The following MACROD2 variants were observed in gnomAD, a reference collection of about 807,000 sequenced individuals.
MACROD2 encodes mono-ADP ribosylhydrolase 2, also known as ADP-ribose glycohydrolase MACROD2.
MACROD2 carries 36 observed loss-of-function variants against 70.4 expected under a neutral mutation model. The observed-to-expected ratio is 0.51, with a 90% CI of 0.39 to 0.68. The LOEUF (loss-of-function observed/expected upper bound fraction) is 0.68, where lower values mean the gene tolerates loss of function less well. MACROD2 is among the 30% of genes least tolerant of loss of function. The pLI, the probability that MACROD2 is intolerant of heterozygous loss-of-function variation, is 0.00. For synonymous variants in MACROD2, 172 were observed against 178.8 expected (o/e 0.96, Z 0.30); for missense variants, 496 against 538.4 (o/e 0.92, Z 0.78).
chr20:14,792,291 T>A (rs554466540), intron 5 of MACROD2, among the ~76,000 whole-genome samples: 1 of 152,220 alleles, frequency 6.6e-6, no homozygotes, highest in Admixed American at 6.5e-5. Context: ...TACTTGTGGA[T>A]ACACACACAT....
intron 5 of MACROD2, among the ~76,000 whole-genome samples, chr20:15,156,942 C>G (rs548811428): frequency 6.3e-4 from 96 of 152,348 alleles, no homozygotes; most frequent in African/African-American, 2.2e-3. Flanking sequence ...ATCATTAAAT[C>G]TGTATCACAT....
chr20:15,438,385 A>C (rs1187860376), intron 7 of MACROD2, among the ~76,000 whole-genome samples: 1 of 152,120 alleles, frequency 6.6e-6, no homozygotes, highest in Non-Finnish European at 1.5e-5. Context: ...GACTGGTGTG[A>C]GATGGTATCT....
chr20:14,920,455 G>A (rs902969585), intron 5 of MACROD2, among the ~76,000 whole-genome samples: 4 of 152,160 alleles, frequency 2.6e-5, no homozygotes, highest in African/African-American at 9.7e-5. Context: ...AGATACGTTG[G>A]AAATCTATTA....
At chr20:15,445,464 G>A (rs145550543) in intron 7 of MACROD2, among the ~76,000 whole-genome samples, 4 of 152,260 alleles carry the variant, frequency 2.6e-5, no homozygotes, top group African/African-American at 9.6e-5. Flanking sequence ...CCATAAGAGA[G>A]AGAGAGAGAG....
intron 5 of MACROD2, among the ~76,000 whole-genome samples, chr20:15,182,480 T>G (rs892228560): frequency 6.6e-6 from 1 of 152,194 alleles, no homozygotes; most frequent in Non-Finnish European, 1.5e-5. Context: ...TTGATTTTCC[T>G]GGGGCGGAAG....
intron 8 of MACROD2, among the ~76,000 whole-genome samples, chr20:15,577,190 T>C (rs1464620001): frequency 6.6e-6 from 1 of 152,014 alleles, no homozygotes; most frequent in Non-Finnish European, 1.5e-5. Flanking sequence ...AATCACTCTT[T>C]TTTTTTTTAA....
intron 8 of MACROD2, among the ~76,000 whole-genome samples, chr20:15,535,443 C>T (rs1008229696): frequency 6.6e-6 from 1 of 152,216 alleles, no homozygotes; most frequent in African/African-American, 2.4e-5. Context: ...CTTGCTATAT[C>T]AGAAATCCTG....
rs1315777951 is a variant in MACROD2 at position 15,340,753 on chromosome 20, ACTC to A, written c.541-90650_541-90648del. ...CTACAAATCATGCTTCTCTGTCTAC[ACTC>A]CACCCCGCAAACACACACTTTTTTT... On this transcript the variant is annotated intron_variant, in intron 6 of 17. Coordinates refer to ENST00000684519, the MANE Select transcript of MACROD2 (RefSeq NM_001351661.2). 6.9e-5 allele frequency among the ~76,000 whole-genome samples: 10 copies of A among 145,876 alleles called. No individual in the cohort carries two copies. In the East Asian group the frequency reaches 2.0e-3, roughly 29 times the overall value.
In MACROD2 at chr20:15,444,702, T is replaced by G. The variant is rs534468376; in HGVS notation, c.571+13267T>G. Reference sequence around the variant, plus strand: ...GATAGATCTAGGTTCAAATTCTGAGTCTCTTATTAGCTGTGTGGCCTCATG... The same window carrying G: ...GATAGATCTAGGTTCAAATTCTGAGGCTCTTATTAGCTGTGTGGCCTCATG... On this transcript the variant is annotated intron_variant, in intron 7 of 17. Coordinates refer to ENST00000684519, the MANE Select transcript of MACROD2 (RefSeq NM_001351661.2). Among the ~76,000 whole-genome samples, 13 of 152,178 alleles carry G rather than the reference T, an allele frequency of 8.5e-5. 1 individual carries two copies. In the South Asian group the frequency reaches 2.7e-3, roughly 32 times the overall value.
intron 8 of MACROD2, among the ~76,000 whole-genome samples, chr20:15,536,134 C>T (rs1753698102): frequency 1.3e-5 from 2 of 152,210 alleles, no homozygotes; most frequent in African/African-American, 4.8e-5. Context: ...CTTCTGATTT[C>T]CAGAGGCTCG....
intron 5 of MACROD2, among the ~76,000 whole-genome samples, chr20:15,008,634 G>A: frequency 6.6e-6 from 1 of 152,126 alleles, no homozygotes; most frequent in East Asian, 1.9e-4. Flanking sequence ...AGGCTCTTTG[G>A]CGCTGAGAAG....
chr20:14,999,992 AC>A (rs2074980443), intron 5 of MACROD2, among the ~76,000 whole-genome samples: 1 of 152,228 alleles, frequency 6.6e-6, no homozygotes, highest in Non-Finnish European at 1.5e-5. Flanking sequence ...ATATATCTGT[AC>A]AAACTTTAAG....
At chr20:14,181,235 A>AT (rs967369388) in intron 3 of MACROD2, among the ~76,000 whole-genome samples, 1 of 151,344 alleles carries the variant, frequency 6.6e-6, no homozygotes, top group Non-Finnish European at 1.5e-5. Context: ...CACCTGGCTA[A>AT]TTTTTTATTT....
chr20:15,861,104 G>A (rs930531880), intron 8 of MACROD2, among the ~76,000 whole-genome samples: 1 of 152,140 alleles, frequency 6.6e-6, no homozygotes, highest in African/African-American at 2.4e-5. Context: ...AATCCAGGAT[G>A]CTTAAGCCAC....
chr20:15,264,734 C>T (rs964771006), intron 6 of MACROD2, among the ~76,000 whole-genome samples: 3 of 151,514 alleles, frequency 2.0e-5, no homozygotes, highest in Admixed American at 6.6e-5. Context: ...TCTCCTGCCA[C>T]AAAGAGTTAG....
At chr20:15,322,222 G>T (rs1042846960) in intron 6 of MACROD2, among the ~76,000 whole-genome samples, 3 of 143,322 alleles carry the variant, frequency 2.1e-5, no homozygotes, top group African/African-American at 2.5e-5. Flanking sequence ...CAAAAAAAAT[G>T]CCAGTGGATT....
intron 3 of MACROD2, among the ~76,000 whole-genome samples, chr20:14,452,494 C>G: frequency 6.6e-6 from 1 of 152,106 alleles, no homozygotes; most frequent in South Asian, 2.1e-4. Context: ...TGAGTCATTA[C>G]AATAGGTATG....
intron 8 of MACROD2, among the ~76,000 whole-genome samples, chr20:15,601,583 T>C (rs1039131361): frequency 5.1e-4 from 78 of 152,240 alleles, no homozygotes; most frequent in Admixed American, 4.6e-4. Context: ...CAAGGCCTGC[T>C]ATCCAGTGAT....
At chr20:14,930,204 C>T (rs1187780056) in intron 5 of MACROD2, among the ~76,000 whole-genome samples, 1 of 149,614 alleles carries the variant, frequency 6.7e-6, no homozygotes, top group Non-Finnish European at 1.5e-5. Flanking sequence ...TGTCAGGAAC[C>T]AGGGCAGAGG....
Sources: allele counts gnomAD v4.1 joint callset (sites outside exome capture counted in the v4.1 genomes callset), GRCh38; gene constraint gnomAD v4.1.1; transcripts MANE v1.5; gene names NCBI Gene and HGNC (gene_info 2026-07-23, HGNC 2026-07-21).